Variants in DGKB observed in about 807,000 individuals in gnomAD.
DGKB encodes 90 kDa diacylglycerol kinase.
Under a neutral mutation model 114.3 loss-of-function variants are expected in DGKB, and 67 were observed. That is an observed-to-expected ratio of 0.59 (90% confidence interval 0.48 to 0.72). The LOEUF (loss-of-function observed/expected upper bound fraction) is 0.72, where lower values mean the gene tolerates loss of function less well. Ranked by LOEUF, DGKB falls within the 30% of genes least tolerant of loss-of-function variation. DGKB has a pLI of 0.00. For synonymous variants in DGKB, 398 were observed against 323.1 expected (o/e 1.23, Z -2.49); for missense variants, 907 against 975.2 (o/e 0.93, Z 0.93).
At chr7:14,567,056 G>A (rs1483564602) in intron 20 of DGKB, among the ~76,000 whole-genome samples, 1 of 128,356 alleles carries the variant, frequency 7.8e-6, no homozygotes, top group East Asian at 2.4e-4. Context: ...TTCTAATAAT[G>A]AGATGACCTG....
intron 21 of DGKB, among the ~76,000 whole-genome samples, chr7:14,458,417 G>A (rs1252849970): frequency 1.3e-5 from 2 of 152,176 alleles, no homozygotes; most frequent in Non-Finnish European, 2.9e-5. Flanking sequence ...CAAGATGGCT[G>A]AGTAGGAACA....
At chr7:14,660,559 G>T (rs1375924080) in intron 13 of DGKB, among the ~76,000 whole-genome samples, 1 of 151,754 alleles carries the variant, frequency 6.6e-6, no homozygotes, top group African/African-American at 2.4e-5. Flanking sequence ...TGGGATCGGT[G>T]GTGATATCCC....
chr7:14,265,934 G>T (rs1797449014), intron 23 of DGKB, among the ~76,000 whole-genome samples: 1 of 152,096 alleles, frequency 6.6e-6, no homozygotes, highest in South Asian at 2.1e-4. Flanking sequence ...TATCTTTACT[G>T]CAAGGGGGTT....
intron 1 of DGKB, among the ~76,000 whole-genome samples, chr7:14,941,827 G>A (rs74497993): frequency 0.016 from 2,450 of 151,996 alleles, 61 homozygotes; most frequent in African/African-American, 0.05. Flanking sequence ...TGAATAAAAC[G>A]GATGATTAGA....
intron 2 of DGKB, among the ~76,000 whole-genome samples, chr7:14,831,252 A>G (rs1446481253): frequency 6.6e-6 from 1 of 151,986 alleles, no homozygotes; most frequent in African/African-American, 2.4e-5. Flanking sequence ...TGATGGGGAA[A>G]TATGTATTTT....
At chr7:14,916,723 T>C (rs1463170883) in intron 1 of DGKB, among the ~76,000 whole-genome samples, 2 of 152,208 alleles carry the variant, frequency 1.3e-5, no homozygotes, top group East Asian at 3.9e-4. Flanking sequence ...TAACAGCTAT[T>C]GACAGCTCCA....
At chr7:14,236,673 T>C (rs577155502) in intron 23 of DGKB, among the ~76,000 whole-genome samples, 2 of 152,104 alleles carry the variant, frequency 1.3e-5, no homozygotes, top group East Asian at 3.9e-4. Flanking sequence ...TTTCCCCCTA[T>C]GAATTATATA....
In DGKB at chr7:14,695,592, T is replaced by C. The variant is rs376496047; in HGVS notation, c.592-1398A>G. 7.0e-3 allele frequency among the ~76,000 whole-genome samples: 994 copies of C among 141,978 alleles called. 10 individuals carry two copies. The highest frequency in any genetic ancestry group is 0.024 in the African/African-American group (920 of 38,124). The allele number at this position is 141,978 out of a possible 152,430, so 93.1% of individuals were successfully genotyped here. A position where few individuals can be genotyped will look rare whatever the true frequency, so the allele number is the denominator to read the frequency against. On this transcript the variant is annotated intron_variant, in intron 8 of 25. Coordinates refer to ENST00000402815, the MANE Select transcript of DGKB (RefSeq NM_001350709.2). ...TGGGCTCATAGCAAGCTCCGCCTCC[T>C]GGGTTCACGCCATTCTCCTGCCTCA...
intron 23 of DGKB, among the ~76,000 whole-genome samples, chr7:14,199,922 C>A (rs1234435435): frequency 6.6e-6 from 1 of 151,854 alleles, no homozygotes; most frequent in African/African-American, 2.4e-5. Flanking sequence ...AACAAACAAA[C>A]AAACAAAAAC....
At chr7:14,233,775 T>TG (rs1314992444) in intron 23 of DGKB, among the ~76,000 whole-genome samples, 4 of 151,818 alleles carry the variant, frequency 2.6e-5, no homozygotes, top group Non-Finnish European at 4.4e-5. Flanking sequence ...AGGGAGTGTG[T>TG]GGGGGGTGCA....
At chr7:14,455,022 C>A (rs997697723) in intron 21 of DGKB, among the ~76,000 whole-genome samples, 8 of 152,018 alleles carry the variant, frequency 5.3e-5, no homozygotes, top group South Asian at 2.1e-4. Context: ...TTGTCTTTTT[C>A]ATATGACATC....
chr7:14,719,869 A>G (rs1185769894), intron 5 of DGKB, among the ~76,000 whole-genome samples: 1 of 152,132 alleles, frequency 6.6e-6, no homozygotes, highest in African/African-American at 2.4e-5. Flanking sequence ...GCTTTAACAC[A>G]TATTATCTCA....
At chr7:14,240,144 T>A (rs1356684854) in intron 23 of DGKB, among the ~76,000 whole-genome samples, 1 of 152,046 alleles carries the variant, frequency 6.6e-6, no homozygotes, top group African/African-American at 2.4e-5. Flanking sequence ...AATATATATA[T>A]GCCCAATAAG....
intron 13 of DGKB, among the ~76,000 whole-genome samples, chr7:14,650,076 G>A (rs1247898153): frequency 4.6e-5 from 7 of 151,690 alleles, no homozygotes; most frequent in African/African-American, 9.7e-5. Flanking sequence ...TGTCAACATT[G>A]GACAGATCAA....
Position 14,694,067 on chromosome 7 carries a change from A to T in DGKB, c.711+8T>A. 1 of 1,575,360 alleles carries T rather than the reference A, an allele frequency of 6.3e-7. No homozygotes were observed. Among genetic ancestry groups the T allele is most frequent in the African/African-American group, 1.3e-5 (1 of 74,498 alleles). On this transcript the variant is annotated splice_region_variant and intron_variant, in intron 9 of 25. Coordinates refer to ENST00000402815, the MANE Select transcript of DGKB (RefSeq NM_001350709.2). Reference sequence around the variant, plus strand: ...CACCAGGCCACCCTCCTCTGTGGAAATGCTTACATTTTCTAAGCCCAGGAG... The same window carrying T: ...CACCAGGCCACCCTCCTCTGTGGAATTGCTTACATTTTCTAAGCCCAGGAG...
chr7:14,704,239 T>G, intron 6 of DGKB, among the ~76,000 whole-genome samples: 1 of 142,850 alleles, frequency 7.0e-6, no homozygotes, highest in Non-Finnish European at 1.5e-5. Context: ...ATCGAGACCA[T>G]CCTGTCTAAC....
intron 4 of DGKB, among the ~76,000 whole-genome samples, chr7:14,749,484 A>C (rs993130545): frequency 8.5e-5 from 13 of 152,176 alleles, no homozygotes; most frequent in Non-Finnish European, 1.6e-4. Flanking sequence ...TATTTTAGTA[A>C]AAAATAGGAA....
intron 21 of DGKB, among the ~76,000 whole-genome samples, chr7:14,444,965 A>G (rs988740301): frequency 2.6e-5 from 4 of 151,896 alleles, no homozygotes; most frequent in African/African-American, 9.7e-5. Context: ...AAATATTATA[A>G]CTATTTAGTT....
intron 20 of DGKB, among the ~76,000 whole-genome samples, chr7:14,541,304 T>C (rs924166171): frequency 3.3e-5 from 5 of 152,186 alleles, no homozygotes; most frequent in African/African-American, 9.6e-5. Flanking sequence ...TCAATATCAC[T>C]TCATTTGTGA....
Sources: allele counts gnomAD v4.1 joint callset (sites outside exome capture counted in the v4.1 genomes callset), GRCh38; gene constraint gnomAD v4.1.1; transcripts MANE v1.5; gene names NCBI Gene and HGNC (gene_info 2026-07-23, HGNC 2026-07-21).